The following SLC17A1 variants were observed in gnomAD, a reference collection of about 807,000 sequenced individuals.
The protein encoded by SLC17A1 is sodium-dependent phosphate transport protein 1.
SLC17A1 carries 51 observed loss-of-function variants against 53.5 expected under a neutral mutation model. The observed-to-expected ratio is 0.95, with a 90% CI of 0.76 to 1.20. SLC17A1 has a LOEUF of 1.20. Among genes scored for constraint, SLC17A1 ranks in the 50% most tolerant of loss-of-function variants. The probability of loss-of-function intolerance (pLI) is 0.00; values close to 1 mark genes in which losing one functional copy is unlikely to be tolerated. For synonymous variants in SLC17A1, 179 were observed against 198.8 expected, an observed-to-expected ratio of 0.90 and a Z score of 0.84; for missense variants, 538 against 568.2, an observed-to-expected ratio of 0.95 and a Z score of 0.54.
intron 12 of SLC17A1, among the ~76,000 whole-genome samples, chr6:25,796,665 G>A (rs1351577108): frequency 1.3e-5 from 2 of 151,980 alleles, no homozygotes. Context: ...TTTGTTAACT[G>A]GCTATTTTTG....
the SLC17A1 span, among the ~76,000 whole-genome samples, chr6:25,767,428 A>G: frequency 6.6e-6 from 1 of 152,064 alleles, no homozygotes; most frequent in Non-Finnish European, 1.5e-5. Flanking sequence ...CTTGAGGTAG[A>G]CTCTGTTATT....
chr6:25,782,765 A>G (rs1296194605), downstream of SLC17A1: 1 of 152,328 alleles, frequency 6.6e-6, no homozygotes, highest in East Asian at 1.9e-4. Flanking sequence ...TGGGCCCACC[A>G]GCGAGGGAGC....
intron 12 of SLC17A1, among the ~76,000 whole-genome samples, chr6:25,787,177 T>G (rs1175750410): frequency 6.6e-6 from 1 of 152,108 alleles, no homozygotes; most frequent in Non-Finnish European, 1.5e-5. Flanking sequence ...CCTCACTTAA[T>G]TTTCTGAATT....
At chr6:25,766,369 C>T in the SLC17A1 span, among the ~76,000 whole-genome samples, 10 of 151,968 alleles carry the variant, frequency 6.6e-5, no homozygotes, top group Non-Finnish European at 1.5e-4. Flanking sequence ...CCTATTTATC[C>T]TGTGCAGAAG....
Position 25,783,071 on chromosome 6 carries a change from T to C in SLC17A1, c.*150A>G, listed in dbSNP as rs1763301206. ...GTTAAAAAACGATGCACACAGGATA[T>C]GTGGGAGGGTAAAACTGGCCCCTAG... On this transcript the variant is annotated 3_prime_UTR_variant, in exon 13 of 13. Coordinates refer to ENST00000244527, the MANE Select transcript of SLC17A1 (RefSeq NM_005074.5). 1 of 152,124 alleles carries C rather than the reference T, an allele frequency of 6.6e-6. No individual in the cohort carries two copies. Among genetic ancestry groups the C allele is most frequent in the African/African-American group, 2.4e-5 (1 of 41,426 alleles). The allele number at this position is 152,124 out of a possible 1,614,324, so 9.4% of individuals were successfully genotyped here.
chr6:25,760,342 G>A, the SLC17A1 span, among the ~76,000 whole-genome samples: 2 of 152,076 alleles, frequency 1.3e-5, no homozygotes, highest in Non-Finnish European at 2.9e-5. Context: ...ATAGAATGCT[G>A]TAATTAATTT....
At chr6:25,773,577 T>C in the SLC17A1 span, 1 of 1,613,926 alleles carries the variant, frequency 6.2e-7, no homozygotes, top group South Asian at 1.1e-5. Flanking sequence ...CTCTGGGCCA[T>C]TTTAGTCTCT....
the SLC17A1 span, among the ~76,000 whole-genome samples, chr6:25,727,719 T>A: frequency 5.3e-5 from 8 of 152,146 alleles, no homozygotes; most frequent in African/African-American, 1.9e-4. Flanking sequence ...GTAGACGAAC[T>A]AGTTGCAGCA....
intron 6 of SLC17A1, among the ~76,000 whole-genome samples, chr6:25,817,068 C>A (rs901047550): frequency 2.1e-4 from 32 of 151,512 alleles, no homozygotes; most frequent in Non-Finnish European, 3.5e-4. Context: ...AGGCTGGTCC[C>A]GAACTCCTGA....
At chr6:25,758,782 G>A in the SLC17A1 span, among the ~76,000 whole-genome samples, 26 of 151,352 alleles carry the variant, frequency 1.7e-4, no homozygotes, top group African/African-American at 6.3e-4. Flanking sequence ...TTGTTTGTTT[G>A]TTTCAATTTC....
At chr6:25,821,678 A>T (rs959964748) in intron 3 of SLC17A1, among the ~76,000 whole-genome samples, 3 of 152,182 alleles carry the variant, frequency 2.0e-5, no homozygotes, top group African/African-American at 7.2e-5. Flanking sequence ...GAAAATAAAA[A>T]AAGTTCACCA....
the SLC17A1 span, among the ~76,000 whole-genome samples, chr6:25,738,852 C>T: frequency 0.27 from 41,283 of 151,952 alleles, 6,820 homozygotes; most frequent in East Asian, 0.7. Context: ...TACACACTTA[C>T]TGGGCAACTA....
intron 11 of SLC17A1, 35 bp downstream of exon 11, chr6:25,800,855 T>A (rs780650351): frequency 2.3e-6 from 3 of 1,287,042 alleles, no homozygotes; most frequent in Non-Finnish European, 3.4e-6. Flanking sequence ...ACAATTAATA[T>A]TGGAAAAATA....
chr6:25,797,220 A>T (rs1763620020), intron 12 of SLC17A1, among the ~76,000 whole-genome samples: 1 of 152,224 alleles, frequency 6.6e-6, no homozygotes, highest in Non-Finnish European at 1.5e-5. Context: ...TTTGCTTTAT[A>T]GGAATGCCTA....
chr6:25,726,564 T>C, the SLC17A1 span: 2 of 1,577,440 alleles, frequency 1.3e-6, no homozygotes, highest in African/African-American at 1.4e-5. Context: ...GAGAACCACA[T>C]TTCTAGGGCT....
the SLC17A1 span, among the ~76,000 whole-genome samples, chr6:25,759,722 G>A: frequency 2.0e-5 from 3 of 152,198 alleles, no homozygotes; most frequent in Admixed American, 6.5e-5. Context: ...CATTTGCATG[G>A]AATATCTAGT....
At chr6:25,806,569 A>G (rs964529452) in intron 10 of SLC17A1, among the ~76,000 whole-genome samples, 34 of 152,116 alleles carry the variant, frequency 2.2e-4, no homozygotes, top group African/African-American at 7.7e-4. Context: ...TTCAAACTGG[A>G]AAACAGGAAG....
downstream of SLC17A1, among the ~76,000 whole-genome samples, chr6:25,782,469 A>G (rs1581440977): frequency 6.6e-6 from 1 of 152,346 alleles, no homozygotes; most frequent in East Asian, 1.9e-4. Flanking sequence ...CGCAGTATGA[A>G]TCAATGAATG....
chr6:25,779,168 C>T (rs558271359), downstream of SLC17A1: 4 of 1,613,704 alleles, frequency 2.5e-6, no homozygotes, highest in Non-Finnish European at 3.4e-6. Context: ...GGCTAAAGAG[C>T]AGACATTCAC....
Sources: allele counts gnomAD v4.1 joint callset (sites outside exome capture counted in the v4.1 genomes callset), GRCh38; gene constraint gnomAD v4.1.1; transcripts MANE v1.5; gene names NCBI Gene and HGNC (gene_info 2026-07-23, HGNC 2026-07-21).